ABCA4: variants seen among roughly 807,000 people sequenced by gnomAD.
ABCA4 encodes the protein retinal-specific phospholipid-transporting ATPase ABCA4.
In ABCA4, 196 loss-of-function variants were observed where a neutral mutation model predicts 263.7. The ratio of observed to expected loss-of-function variants is 0.74; its 90% CI spans 0.66 to 0.84. The LOEUF (loss-of-function observed/expected upper bound fraction) is 0.84, where lower values mean the gene tolerates loss of function less well. ABCA4 is among the 40% of genes least tolerant of loss of function. The probability of loss-of-function intolerance (pLI) is 0.00; values close to 1 mark genes in which losing one functional copy is unlikely to be tolerated. For missense variants in ABCA4, 2,792 were observed against 2,855.1 expected (o/e 0.98, Z 0.50); for synonymous variants, 1,133 against 1,094.2 (o/e 1.04, Z -0.70).
intron 22 of ABCA4, among the ~76,000 whole-genome samples, chr1:94,042,531 A>AAGTAGGT (rs1660521445): frequency 6.6e-5 from 10 of 152,190 alleles, no homozygotes; most frequent in Admixed American, 5.2e-4. Flanking sequence ...AGAATTTTCT[A>AAGTAGGT]AAATATTTTG....
At chr1:94,103,902 G>A (rs995378467) in intron 4 of ABCA4, among the ~76,000 whole-genome samples, 1 of 152,176 alleles carries the variant, frequency 6.6e-6, no homozygotes, top group Non-Finnish European at 1.5e-5. Flanking sequence ...CCTGTGGGAA[G>A]CAGGGTTTCT....
At chr1:94,063,018 G>T in intron 12 of ABCA4, 94 bp downstream of exon 12, 1 of 1,258,572 alleles carries the variant, frequency 7.9e-7, no homozygotes, top group Non-Finnish European at 1.2e-6. Flanking sequence ...TAATTTTATT[G>T]ATTTATGAGT....
At chr1:93,999,097 G>T (rs1571240980) in intron 47 of ABCA4, among the ~76,000 whole-genome samples, 1 of 152,080 alleles carries the variant, frequency 6.6e-6, no homozygotes, top group Non-Finnish European at 1.5e-5. Context: ...CCAGGCTGGA[G>T]TGCAGTGGTG....
chr1:94,037,442 C>A, intron 24 of ABCA4, 92 bp from the exon 25 acceptor site: 1 of 1,158,570 alleles, frequency 8.6e-7, no homozygotes, highest in Non-Finnish European at 1.3e-6. Flanking sequence ...CTCCACTTCC[C>A]CTTTGAAGAA....
chr1:94,063,345 T>TG (rs1661182099), intron 11 of ABCA4, 28 bp from the exon 12 acceptor site: 1 of 1,607,420 alleles, frequency 6.2e-7, no homozygotes, highest in African/African-American at 1.3e-5. Flanking sequence ...GTTGAGAGAG[T>TG]GTGAGGAGGA....
intron 6 of ABCA4, among the ~76,000 whole-genome samples, chr1:94,093,245 GA>G (rs1423124461): frequency 6.6e-5 from 10 of 152,170 alleles, no homozygotes; most frequent in African/African-American, 1.4e-4. Context: ...GTGGTAGGTA[GA>G]AAAACATTTT....
At chr1:94,070,967 G>A (rs934430882) in intron 11 of ABCA4, among the ~76,000 whole-genome samples, 16 of 152,188 alleles carry the variant, frequency 1.1e-4, no homozygotes, top group Non-Finnish European at 4.4e-5. Flanking sequence ...AGAGACTGGC[G>A]GCCTGGCAAA....
At chr1:94,014,270 G>A (rs1292396706) in intron 38 of ABCA4, among the ~76,000 whole-genome samples, 1 of 150,808 alleles carries the variant, frequency 6.6e-6, no homozygotes, top group Non-Finnish European at 1.5e-5. Flanking sequence ...AAAGAGGAAG[G>A]GAAGGAGGGA....
At chr1:94,028,920 A>AT in intron 30 of ABCA4, among the ~76,000 whole-genome samples, 1 of 149,520 alleles carries the variant, frequency 6.7e-6, no homozygotes, top group Non-Finnish European at 1.5e-5. Flanking sequence ...AAAAAAAAAA[A>AT]AAAAAAAAAA....
At chr1:94,096,276 C>T (rs1312294110) in intron 6 of ABCA4, among the ~76,000 whole-genome samples, 5 of 152,258 alleles carry the variant, frequency 3.3e-5, no homozygotes, top group Admixed American at 3.3e-4. Context: ...ATTTGTAGGA[C>T]ACATTGAATC....
rs4147848 is a variant in ABCA4 at position 94,021,031 on chromosome 1, G to T, written c.5018+209C>A. 0.32 allele frequency among the ~76,000 whole-genome samples: 48,126 copies of T among 152,210 alleles called. 7,953 individuals carry two copies. The highest frequency in any genetic ancestry group is 0.41 in the African/African-American group (17,193 of 41,512). On this transcript the variant is annotated intron_variant, in intron 35 of 49. Coordinates refer to ENST00000370225, the MANE Select transcript of ABCA4 (RefSeq NM_000350.3). ...AATGGAACCAAATGTAAACTTACTT[G>T]CCACATAAATGTTGGGGAGAAAGAA...
chr1:94,063,937 GAA>G (rs4147888), intron 11 of ABCA4, among the ~76,000 whole-genome samples: 8 of 147,758 alleles, frequency 5.4e-5, no homozygotes, highest in African/African-American at 7.4e-5. Context: ...CCTGGAAGAG[GAA>G]AAAAAAAAAC....
At chr1:94,010,329 C>T (rs147663325) in intron 40 of ABCA4, among the ~76,000 whole-genome samples, 267 of 149,736 alleles carry the variant, frequency 1.8e-3, no homozygotes, top group African/African-American at 6.2e-3. Flanking sequence ...TACCCACCTT[C>T]CTCCAGGAGT....
At chr1:94,005,981 CT>C (rs1659367569) in intron 43 of ABCA4, among the ~76,000 whole-genome samples, 1 of 152,158 alleles carries the variant, frequency 6.6e-6, no homozygotes, top group Non-Finnish European at 1.5e-5. Context: ...GTAAACTTCT[CT>C]ATCTGTATTT....
chr1:94,062,430 C>T, intron 13 of ABCA4, 147 bp downstream of exon 13: 1 of 904,950 alleles, frequency 1.1e-6, no homozygotes, highest in Non-Finnish European at 1.7e-6. Flanking sequence ...GTTCCTCAGT[C>T]AGAGCTCCAT....
chr1:94,028,724 T>C (rs1660103496), intron 30 of ABCA4, among the ~76,000 whole-genome samples: 1 of 151,732 alleles, frequency 6.6e-6, no homozygotes. Flanking sequence ...CTGGCCAACA[T>C]GGTAAAACCC....
At chr1:94,080,987 G>A (rs556159852) in intron 7 of ABCA4, among the ~76,000 whole-genome samples, 359 of 152,266 alleles carry the variant, frequency 2.4e-3, no homozygotes, top group African/African-American at 8.3e-3. Context: ...CACTTTGGGA[G>A]GCCGAGGCGG....
chr1:94,018,393 A>C (rs1004085898), intron 36 of ABCA4, among the ~76,000 whole-genome samples: 6 of 152,224 alleles, frequency 3.9e-5, no homozygotes, highest in Admixed American at 1.3e-4. Context: ...TCTTATCCAA[A>C]GAAAGGCTTT....
rs61752438 is a variant in ABCA4, at chr1:94,021,649, GT to G, written c.4838del (p.Asp1613AlafsTer49). On this transcript the variant is annotated frameshift_variant, in exon 34 of 50. Transcript: ENST00000370225. LOFTEE classifies it high-confidence loss of function. ...TACATAGGTCAAGTACCTTAATGTT[GT>G]CTTCAGTTTCTAGATGTTTAAGGAA... ...PDFLKHLETE[D>X]NIKVWFNNKG... The G allele has an allele frequency of 6.2e-7, 1 of 1,611,794 alleles. No individual in the cohort carries two copies. Among genetic ancestry groups the G allele is most frequent in the South Asian group, 1.1e-5 (1 of 90,842 alleles).
Sources: gnomAD v4.1 joint callset for allele counts (sites outside exome capture counted in the v4.1 genomes callset) on GRCh38, gnomAD v4.1.1 for gene constraint, MANE v1.5 for transcripts, NCBI Gene and HGNC (gene_info 2026-07-23, HGNC 2026-07-21) for gene names.